The following SBF2 variants were observed in gnomAD, a reference collection of about 807,000 sequenced individuals.
SBF2 encodes the protein SET binding factor 2.
SBF2 carries 112 observed loss-of-function variants against 225.2 expected under a neutral mutation model. That is an observed-to-expected ratio of 0.50 (90% confidence interval 0.43 to 0.58). SBF2 has a LOEUF of 0.58. SBF2 is among the 20% of genes least tolerant of loss of function. SBF2 has a pLI of 0.00. For synonymous variants in SBF2, 763 were observed against 773.3 expected, an observed-to-expected ratio of 0.99 and a Z score of 0.22; for missense variants, 1,996 against 2,206.2, an observed-to-expected ratio of 0.90 and a Z score of 1.91.
intron 6 of SBF2, among the ~76,000 whole-genome samples, chr11:10,005,237 T>C (rs548218770): frequency 6.6e-6 from 1 of 152,246 alleles, no homozygotes; most frequent in South Asian, 2.1e-4. Context: ...TTAACTGGTA[T>C]ATGACCCTCT....
chr11:10,176,712 C>T (rs1158563305), intron 2 of SBF2, among the ~76,000 whole-genome samples: 17 of 152,176 alleles, frequency 1.1e-4, no homozygotes, highest in Admixed American at 2.0e-4. Context: ...GCTTACCAAC[C>T]AAAAAGAGTC....
chr11:10,165,406 C>T lies in SBF2; in HGVS notation c.141+28496G>A, dbSNP rs982540174. ...GCCCTAATAGCAATACAGCTAACAT[C>T]CCTAAAAATGACTGCCAGAATAATA... On this transcript the variant is annotated intron_variant, in intron 2 of 39. Coordinates refer to ENST00000256190, the MANE Select transcript of SBF2 (RefSeq NM_030962.4). Among the ~76,000 whole-genome samples, 3 of 152,266 alleles carry T rather than the reference C, an allele frequency of 2.0e-5. No homozygotes were observed. In the East Asian group the frequency reaches 5.8e-4, roughly 29 times the overall value.
intron 17 of SBF2, among the ~76,000 whole-genome samples, chr11:9,868,283 A>T (rs1005778728): frequency 3.5e-5 from 5 of 143,330 alleles, no homozygotes; most frequent in Non-Finnish European, 7.5e-5. Flanking sequence ...TCATGAGGTC[A>T]GGAGATTGAG....
chr11:9,843,361 G>A (rs1856302861), intron 24 of SBF2, among the ~76,000 whole-genome samples: 1 of 152,026 alleles, frequency 6.6e-6, no homozygotes, highest in South Asian at 2.1e-4. Context: ...TTTTTTGAAG[G>A]AGAAAAATAA....
intron 28 of SBF2, among the ~76,000 whole-genome samples, chr11:9,824,354 C>G (rs941180903): frequency 6.6e-6 from 1 of 151,910 alleles, no homozygotes; most frequent in Non-Finnish European, 1.5e-5. Context: ...GTCAGGAGAT[C>G]GAGATCATCC....
At chr11:10,114,485 A>G (rs61878632) in intron 2 of SBF2, among the ~76,000 whole-genome samples, 1 of 151,944 alleles carries the variant, frequency 6.6e-6, no homozygotes, top group East Asian at 1.9e-4. Flanking sequence ...CTTTATATCT[A>G]CATGCTGTTT....
intron 1 of SBF2, among the ~76,000 whole-genome samples, chr11:10,279,187 G>A (rs188616740): frequency 2.8e-4 from 43 of 151,328 alleles, no homozygotes; most frequent in African/African-American, 9.7e-4. Context: ...TGAAGTGGGT[G>A]GATCACCTGA....
chr11:9,949,595 A>T (rs1159113921), intron 16 of SBF2, among the ~76,000 whole-genome samples: 1 of 152,188 alleles, frequency 6.6e-6, no homozygotes, highest in African/African-American at 2.4e-5. Context: ...ACACTGAAAG[A>T]ATCCTAGGTT....
At chr11:10,160,534 C>T (rs1367534452) in intron 2 of SBF2, among the ~76,000 whole-genome samples, 1 of 152,136 alleles carries the variant, frequency 6.6e-6, no homozygotes, top group Non-Finnish European at 1.5e-5. Flanking sequence ...GCAGTACATA[C>T]ACCACAATGT....
At chr11:10,216,839 T>C (rs7935774) in intron 1 of SBF2, among the ~76,000 whole-genome samples, 118,827 of 152,118 alleles carry the variant, frequency 0.78, 47,014 homozygotes, top group East Asian at 0.97. Flanking sequence ...CACTGTACTC[T>C]AGCCTAGGTG....
intron 1 of SBF2, among the ~76,000 whole-genome samples, chr11:10,231,892 C>T (rs948783778): frequency 7.2e-5 from 11 of 152,234 alleles, no homozygotes; most frequent in African/African-American, 2.7e-4. Context: ...TTTGTCTGTG[C>T]CTTGCCCCCA....
chr11:10,060,737 C>G (rs1950410460), intron 2 of SBF2, among the ~76,000 whole-genome samples: 1 of 152,108 alleles, frequency 6.6e-6, no homozygotes, highest in Admixed American at 6.6e-5. Context: ...ATATAAAAAT[C>G]TGTAAACGTG....
At chr11:10,241,767 GGTT>G (rs1959230148) in intron 1 of SBF2, among the ~76,000 whole-genome samples, 1 of 151,954 alleles carries the variant, frequency 6.6e-6, no homozygotes, top group Non-Finnish European at 1.5e-5. Flanking sequence ...CACAATAGGA[GGTT>G]CCAAAATTCA....
At chr11:10,212,275 T>C (rs566286741) in intron 1 of SBF2, among the ~76,000 whole-genome samples, 11 of 152,346 alleles carry the variant, frequency 7.2e-5, no homozygotes, top group African/African-American at 1.9e-4. Context: ...CTCCATTCCA[T>C]GCCTGATTTC....
chr11:9,963,851 G>T lies in SBF2; in HGVS notation c.1632C>A (p.Phe544Leu), dbSNP rs777289065. The T allele has an allele frequency of 2.9e-5, 47 of 1,607,486 alleles. No individual in the cohort carries two copies. The South Asian group carries it at 4.3e-4, about 15-fold the overall frequency. ...CAACTTCTAGTCTTTGTGCACTGTTGAAAACTGTCGTCACCTTGTCCATTA... is the reference window on the plus strand; with the variant it reads ...CAACTTCTAGTCTTTGTGCACTGTTTAAAACTGTCGTCACCTTGTCCATTA... Reference protein sequence around the residue: ...VSIMDKVTTVFNSAQRLEVVR... With the variant: ...VSIMDKVTTVLNSAQRLEVVR... The change falls in exon 15 of 40, where the codon TTC (phenylalanine) becomes TTA (leucine). Residue 544 changes from phenylalanine to leucine, a missense_variant. By Grantham distance (22) the Phe-to-Leu change is conservative. Transcript: ENST00000256190.
chr11:10,014,207 G>C (rs1268700987), intron 6 of SBF2, among the ~76,000 whole-genome samples: 1 of 152,108 alleles, frequency 6.6e-6, no homozygotes, highest in Non-Finnish European at 1.5e-5. Context: ...GGGTGACTTT[G>C]CTTCTAGGCC....
At chr11:10,023,039 T>C (rs1167359570) in intron 6 of SBF2, among the ~76,000 whole-genome samples, 2 of 152,216 alleles carry the variant, frequency 1.3e-5, no homozygotes, top group Non-Finnish European at 2.9e-5. Context: ...TCTTGGTTCA[T>C]TGAGGATTGC....
chr11:9,820,274 C>T (rs1203265941), intron 28 of SBF2, among the ~76,000 whole-genome samples: 2 of 152,158 alleles, frequency 1.3e-5, no homozygotes, highest in African/African-American at 4.8e-5. Flanking sequence ...TTTTCACTCC[C>T]ACTTCACTCC....
At chr11:9,873,205 C>CAG (rs1858926767) in intron 17 of SBF2, among the ~76,000 whole-genome samples, 2 of 60,648 alleles carry the variant, frequency 3.3e-5, no homozygotes, top group African/African-American at 7.5e-5. Context: ...GACTCTGTCT[C>CAG]AAAAAAAAAA....
Sources: gnomAD v4.1 joint callset for allele counts (sites outside exome capture counted in the v4.1 genomes callset) on GRCh38, gnomAD v4.1.1 for gene constraint, MANE v1.5 for transcripts, NCBI Gene and HGNC (gene_info 2026-07-23, HGNC 2026-07-21) for gene names.